ATP13A2: variants seen among roughly 807,000 people sequenced by gnomAD.
ATP13A2 encodes the protein ATPase cation transporting 13A2.
ATP13A2 carries 83 observed loss-of-function variants against 138.3 expected under a neutral mutation model. The ratio of observed to expected loss-of-function variants is 0.60; its 90% confidence interval spans 0.50 to 0.72. The LOEUF (loss-of-function observed/expected upper bound fraction) is 0.72, where lower values mean the gene tolerates loss of function less well. ATP13A2 is among the 30% of genes least tolerant of loss of function. The pLI is 0.00. For missense variants in ATP13A2, 1,402 were observed against 1,606.4 expected (o/e 0.87, Z 2.17); for synonymous variants, 663 against 699.0 (o/e 0.95, Z 0.81).
intron 23 of ATP13A2, 82 bp from the exon 24 acceptor site, chr1:16,988,556 G>A: frequency 6.3e-7 from 1 of 1,591,382 alleles, no homozygotes; most frequent in Non-Finnish European, 8.6e-7. Context: ...GATGACAGCT[G>A]GGCCCCTAAT....
chr1:17,003,454 A>G (rs2077434049), intron 6 of ATP13A2, among the ~76,000 whole-genome samples: 1 of 151,816 alleles, frequency 6.6e-6, no homozygotes, highest in African/African-American at 2.4e-5. Flanking sequence ...ACTACTCGGG[A>G]GGCTGAGGCA....
intron 11 of ATP13A2, 135 bp downstream of exon 11, chr1:16,999,876 G>A (rs2077280145): frequency 2.4e-6 from 3 of 1,264,698 alleles, no homozygotes; most frequent in Middle Eastern, 2.6e-4. Context: ...ACTCCAGCCT[G>A]GACAACAGAG....
rs1483398511 is a variant in ATP13A2 at position 17,011,926 on chromosome 1, A to G, written c.-188T>C. On this transcript the variant is annotated 5_prime_UTR_variant, in exon 1 of 29. Transcript: ENST00000326735. This position sits in a 1 kb window ranked among gnomAD's most constrained non-coding sequence, Gnocchi z 7.3. The stretch of plus-strand genomic sequence containing the variant: ...CCACCAGGCTCGGCGCGGCTCCGAC[A>G]CTGCCGCAGTCCCTCCGTGCGCGCC... 2.9e-6 allele frequency: 1 copy of G among 344,740 alleles called. No homozygotes were observed. Among genetic ancestry groups the G allele is most frequent in the East Asian group, 1.6e-4 (1 of 6,326 alleles). The allele number at this position is 344,740 out of a possible 1,614,324, so 21.4% of individuals were successfully genotyped here. A position where few individuals can be genotyped will look rare whatever the true frequency, so the allele number is the denominator to read the frequency against.
At chr1:17,008,364 T>C (rs2077644609) in intron 1 of ATP13A2, among the ~76,000 whole-genome samples, 1 of 152,170 alleles carries the variant, frequency 6.6e-6, no homozygotes, top group Non-Finnish European at 1.5e-5. Flanking sequence ...TCCTAAGAAT[T>C]TCTTTTTTGA....
Position 16,992,309 on chromosome 1 carries a change from T to C in ATP13A2, c.1939A>G (p.Thr647Ala). 1 of 1,612,306 alleles carries C rather than the reference T, an allele frequency of 6.2e-7. No homozygotes were observed. The highest frequency in any genetic ancestry group is 1.1e-5 in the South Asian group (1 of 91,046). The change falls in exon 18 of 29, where the codon ACT becomes GCT. Residue 647 changes from threonine to alanine, a missense_variant. Physicochemically the swap from Thr to Ala is moderately conservative, Grantham distance 58. Transcript: ENST00000326735. The part of the protein sequence containing the change: ...MSVVVAWPGA[T>A]QPEAYVKGSP... ...CCTTTGACGTAGGCCTCGGGCTGAG[T>C]GGCCCCTGGCCACGCCACCACCACA...
At chr1:16,993,442 T>G (rs1011085556) in intron 16 of ATP13A2, among the ~76,000 whole-genome samples, 187 bp downstream of exon 16, 1 of 152,106 alleles carries the variant, frequency 6.6e-6, no homozygotes, top group African/African-American at 2.4e-5. Flanking sequence ...GCTCAAGTGA[T>G]CCTCCCGTCT....
chr1:16,993,108 G>C (rs1049045646), intron 16 of ATP13A2, among the ~76,000 whole-genome samples: 4 of 152,252 alleles, frequency 2.6e-5, no homozygotes, highest in African/African-American at 9.6e-5. Flanking sequence ...TTACAGACGG[G>C]GTTTCACTAT....
chr1:16,993,760 C>A lies in ATP13A2; in HGVS notation c.1618G>T (p.Val540Phe). 6.3e-7 allele frequency: 1 copy of A among 1,590,734 alleles called. No individual in the cohort carries two copies. The highest frequency in any genetic ancestry group is 8.6e-7 in the Non-Finnish European group (1 of 1,169,578). The change falls in exon 16 of 29, where the codon GTC (valine) becomes TTC (phenylalanine). Residue 540 changes from valine (V) to phenylalanine (F), a missense_variant. Physicochemically the swap from Val to Phe is conservative, Grantham distance 50. Coordinates refer to ENST00000326735, the MANE Select transcript of ATP13A2 (RefSeq NM_022089.4). The part of the protein sequence containing the change: ...PLKGQAFLPL[V>F]PEPRRLPVGP... Reference sequence around the variant, plus strand: ...ACAGGCAGGCGGCGAGGCTCTGGGACCAGGGGCAGGAATGCCTGCCCCTTC... The same window carrying A: ...ACAGGCAGGCGGCGAGGCTCTGGGAACAGGGGCAGGAATGCCTGCCCCTTC...
At chr1:17,001,343 A>G (rs1031571645) in intron 8 of ATP13A2, among the ~76,000 whole-genome samples, 1 of 151,414 alleles carries the variant, frequency 6.6e-6, no homozygotes, top group Non-Finnish European at 1.5e-5. Flanking sequence ...CAGGAGAATC[A>G]CTTGAACCCA....
At chr1:17,001,161 T>C (rs570431056) in intron 8 of ATP13A2, among the ~76,000 whole-genome samples, 2 of 150,790 alleles carry the variant, frequency 1.3e-5, no homozygotes, top group Admixed American at 6.7e-5. Flanking sequence ...CTCATGCCTA[T>C]AATCCCAGCA....
Position 17,005,860 on chromosome 1 carries a change from C to A in ATP13A2, c.11-82G>T, listed in dbSNP as rs761912492. On this transcript the variant is annotated intron_variant, in intron 1 of 28. Coordinates refer to ENST00000326735, the MANE Select transcript of ATP13A2 (RefSeq NM_022089.4). ...TAAAAACAATAAACATCAGCCTGGG[C>A]GCGGTGGCTCACGCCTGTAATCCCA... 2.3e-5 allele frequency: 31 copies of A among 1,373,212 alleles called. No homozygotes were observed. The East Asian group carries it at 6.5e-4, about 29-fold the overall frequency. 85.1% of individuals were successfully genotyped at this position (1,373,212 alleles called of 1,614,324 possible). A position where few individuals can be genotyped will look rare whatever the true frequency, so the allele number is the denominator to read the frequency against.
Position 17,004,221 on chromosome 1 carries a change from G to T in ATP13A2, c.557+111C>A. 1.7e-6 allele frequency: 2 copies of T among 1,170,116 alleles called. No homozygotes were observed. Among genetic ancestry groups the T allele is most frequent in the Non-Finnish European group, 2.5e-6 (2 of 800,750 alleles). 72.5% of individuals were successfully genotyped at this position (1,170,116 alleles called of 1,614,324 possible). ...AGTAACCTGCCCAAGGTTTCAGACA[G>T]CAAAAGCATCAGAGCTGAGAGGGGA... On this transcript the variant is annotated intron_variant, in intron 6 of 28. Transcript: ENST00000326735. This position sits in a 1 kb window ranked among gnomAD's most constrained non-coding sequence, Gnocchi z 4.1.
At chr1:17,006,249 C>T (rs115217059) in intron 1 of ATP13A2, among the ~76,000 whole-genome samples, 2 of 139,738 alleles carry the variant, frequency 1.4e-5, no homozygotes, top group Non-Finnish European at 3.0e-5. Context: ...TCTTACTTAC[C>T]GTATCTTTTT....
chr1:17,009,203 T>G (rs2077683489), intron 1 of ATP13A2, among the ~76,000 whole-genome samples: 1 of 151,968 alleles, frequency 6.6e-6, no homozygotes, highest in Admixed American at 6.6e-5. Context: ...CTCCTGACAT[T>G]CCCCTCAGCA....
chr1:16,992,877 C>T (rs1260266172), intron 16 of ATP13A2, among the ~76,000 whole-genome samples: 11 of 152,222 alleles, frequency 7.2e-5, no homozygotes, highest in Admixed American at 4.6e-4. Flanking sequence ...CGTGCGCTGG[C>T]GCATAGTAGG....
chr1:17,002,515 C>G, intron 6 of ATP13A2, 142 bp from the exon 7 acceptor site: 1 of 989,008 alleles, frequency 1.0e-6, no homozygotes, highest in African/African-American at 1.6e-5. Context: ...AGTAAGCCCC[C>G]TTGAACCCAA....
Position 16,986,130 on chromosome 1 carries a change from G to A in ATP13A2, c.*91C>T. 2 of 1,596,542 alleles carry A rather than the reference G, an allele frequency of 1.3e-6. No homozygotes were observed. Among genetic ancestry groups the A allele is most frequent in the Non-Finnish European group, 1.7e-6 (2 of 1,172,856 alleles). ...GACAGTCGCCAACCTCAGGGATGTG[G>A]GAGGTGGTGGCGGTGGTGTTGCTGG... On this transcript the variant is annotated 3_prime_UTR_variant, in exon 29 of 29. Coordinates refer to ENST00000326735, the MANE Select transcript of ATP13A2 (RefSeq NM_022089.4). The surrounding 1 kb of genome is among the most constrained non-coding windows in gnomAD (Gnocchi z 6.9).
intron 12 of ATP13A2, 149 bp downstream of exon 12, chr1:16,996,871 T>A (rs1557694924): frequency 4.0e-6 from 4 of 994,294 alleles, no homozygotes; most frequent in Admixed American, 4.1e-5. Flanking sequence ...AGACCCCAGA[T>A]GGGGGGCAAC....
At chr1:17,006,189 C>T (rs1470847650) in intron 1 of ATP13A2, among the ~76,000 whole-genome samples, 1 of 151,852 alleles carries the variant, frequency 6.6e-6, no homozygotes, top group African/African-American at 2.4e-5. Context: ...TGACAGAGCC[C>T]AAAGCTCATG....
Sources: allele counts gnomAD v4.1 joint callset (sites outside exome capture counted in the v4.1 genomes callset), GRCh38; gene constraint gnomAD v4.1.1; non-coding constraint Gnocchi (gnomAD v3.1); transcripts MANE v1.5; gene names NCBI Gene and HGNC (gene_info 2026-07-23, HGNC 2026-07-21).